The following DAP variants were observed in gnomAD, a reference collection of about 807,000 sequenced individuals.
DAP encodes the protein death-associated protein 1.
DAP carries 8 observed loss-of-function variants against 13.8 expected under a neutral mutation model. The observed-to-expected ratio is 0.58, with a 90% CI of 0.34 to 1.05. DAP has a LOEUF of 1.05. Ranked by LOEUF, DAP falls within the 50% of genes least tolerant of loss-of-function variation. DAP has a pLI of 0.03. For synonymous variants in DAP, 47 were observed against 47.5 expected, an observed-to-expected ratio of 0.99 and a Z score of 0.04; for missense variants, 106 against 133.2, an observed-to-expected ratio of 0.80 and a Z score of 1.01.
At chr5:10,685,517 A>G (rs575921939) in intron 2 of DAP, among the ~76,000 whole-genome samples, 1 of 152,340 alleles carries the variant, frequency 6.6e-6, no homozygotes, top group Admixed American at 6.5e-5. Flanking sequence ...TTTAGAAAAG[A>G]TTTGGAAAGG....
chr5:10,738,848 TC>T (rs1481423169), intron 2 of DAP, among the ~76,000 whole-genome samples: 1 of 152,180 alleles, frequency 6.6e-6, no homozygotes, highest in African/African-American at 2.4e-5. Flanking sequence ...AAAGAGCTCT[TC>T]AGAAGAAAGT....
At chr5:10,708,713 C>T (rs867084778) in intron 2 of DAP, among the ~76,000 whole-genome samples, 5 of 152,166 alleles carry the variant, frequency 3.3e-5, no homozygotes, top group African/African-American at 4.8e-5. Flanking sequence ...AGTCCTTGTG[C>T]GGTTGTGCAG....
At chr5:10,725,681 A>C (rs2126662411) in intron 2 of DAP, among the ~76,000 whole-genome samples, 1 of 152,368 alleles carries the variant, frequency 6.6e-6, no homozygotes, top group East Asian at 1.9e-4. Context: ...CATTTGAAGT[A>C]GGATTTTAGG....
In DAP at chr5:10,679,910, C is replaced by T. The variant is rs2126630079; in HGVS notation, c.*1146G>A. On this transcript the variant is annotated 3_prime_UTR_variant, in exon 4 of 4. Transcript: ENST00000230895. ...AGTCAGGCCCTCCACAAGCACTGTT[C>T]TGGAGTTTCGTCTGACTAGGTGAAC... 1 of 152,528 alleles carries T rather than the reference C, an allele frequency of 6.6e-6. No individual in the cohort carries two copies. Among genetic ancestry groups the T allele is most frequent in the East Asian group, 1.9e-4 (1 of 5,312 alleles). 9.4% of individuals were successfully genotyped at this position (152,528 alleles called of 1,614,324 possible). A position where few individuals can be genotyped will look rare whatever the true frequency, so the allele number is the denominator to read the frequency against.
intron 2 of DAP, among the ~76,000 whole-genome samples, chr5:10,687,905 C>CTTTTTTTTTTTTTTTT (rs1199947263): frequency 9.0e-6 from 1 of 110,666 alleles, no homozygotes; most frequent in African/African-American, 3.8e-5. Context: ...TCATTGTTGT[C>CTTTTTTTTTTTTTTTT]TTTTTTTTTT....
intron 2 of DAP, among the ~76,000 whole-genome samples, chr5:10,723,590 A>T (rs761964384): frequency 3.9e-5 from 6 of 152,290 alleles, no homozygotes; most frequent in Non-Finnish European, 4.4e-5. Flanking sequence ...AAGAAGACCC[A>T]GGCAAGAAAC....
At chr5:10,760,391 G>A (rs1478530003) in intron 1 of DAP, among the ~76,000 whole-genome samples, 1 of 152,066 alleles carries the variant, frequency 6.6e-6, no homozygotes, top group East Asian at 1.9e-4. Flanking sequence ...AGATCCCTAT[G>A]TTCTAAGAAA....
intron 2 of DAP, among the ~76,000 whole-genome samples, chr5:10,730,243 C>T (rs568389458): frequency 4.6e-5 from 7 of 152,314 alleles, no homozygotes; most frequent in Non-Finnish European, 8.8e-5. Flanking sequence ...CTGGCACAGA[C>T]GAGGCACTTA....
intron 2 of DAP, among the ~76,000 whole-genome samples, chr5:10,692,897 G>T (rs1247973935): frequency 6.6e-6 from 1 of 152,308 alleles, no homozygotes; most frequent in South Asian, 2.1e-4. Flanking sequence ...GCTCACCACA[G>T]CTAGTTTTGT....
intron 2 of DAP, among the ~76,000 whole-genome samples, chr5:10,730,314 C>T (rs1273884322): frequency 6.6e-6 from 1 of 152,204 alleles, no homozygotes; most frequent in Non-Finnish European, 1.5e-5. Context: ...GATGTGCGTG[C>T]CAGGGAAAAC....
chr5:10,709,738 C>T (rs1738793011), intron 2 of DAP, among the ~76,000 whole-genome samples: 1 of 152,214 alleles, frequency 6.6e-6, no homozygotes, highest in Non-Finnish European at 1.5e-5. Flanking sequence ...AGGGCTCCCA[C>T]CCTCCACAAG....
At position 10,713,032 on chromosome 5, in the gene DAP, A is replaced by G. The variant is rs531857426; in HGVS notation, c.153-29461T>C. Among the ~76,000 whole-genome samples, 204 of 151,942 alleles carry G rather than the reference A, an allele frequency of 1.3e-3. 1 individual carries two copies. The highest frequency in any genetic ancestry group is 4.6e-3 in the African/African-American group (192 of 41,350). ...AACTAGGCTGAGGGAAAACCAACCA[A>G]CCAGCCGACCAACCAGCCAACCAAC... On this transcript the variant is annotated intron_variant, in intron 2 of 3. Transcript: ENST00000230895.
In DAP at chr5:10,725,294, C is replaced by A. The variant is rs1000352579; in HGVS notation, c.152+22881G>T. ...TTGCAGCGCCTTGAAAGTCTCCAAT[C>A]GCTAGCCTCTGACATGGTTATGCCG... On this transcript the variant is annotated intron_variant, in intron 2 of 3. Transcript: ENST00000230895. Among the ~76,000 whole-genome samples, 3 of 152,216 alleles carry A rather than the reference C, an allele frequency of 2.0e-5. No homozygotes were observed. In the East Asian group the frequency reaches 5.8e-4, roughly 29 times the overall value.
chr5:10,722,986 T>G (rs1739196545), intron 2 of DAP, among the ~76,000 whole-genome samples: 1 of 152,222 alleles, frequency 6.6e-6, no homozygotes, highest in East Asian at 1.9e-4. Flanking sequence ...TTTATGCTTC[T>G]GGCCACTACA....
chr5:10,691,872 T>C (rs1460603140), intron 2 of DAP, among the ~76,000 whole-genome samples: 3 of 152,226 alleles, frequency 2.0e-5, no homozygotes, highest in African/African-American at 7.2e-5. Context: ...TGGGTCTCTA[T>C]TGTCCATCTG....
At chr5:10,730,817 C>T (rs1176818986) in intron 2 of DAP, among the ~76,000 whole-genome samples, 248 of 69,250 alleles carry the variant, frequency 3.6e-3, no homozygotes, top group Middle Eastern at 0.029. Context: ...GGGGGGAATC[C>T]TTCTCTATTG....
intron 2 of DAP, among the ~76,000 whole-genome samples, chr5:10,735,504 A>G (rs1158323639): frequency 1.3e-5 from 2 of 152,240 alleles, no homozygotes; most frequent in Non-Finnish European, 2.9e-5. Flanking sequence ...TCTTTATCAA[A>G]TATCTTACCA....
chr5:10,695,738 G>A (rs761616666), intron 2 of DAP, among the ~76,000 whole-genome samples: 23 of 152,314 alleles, frequency 1.5e-4, no homozygotes, highest in Non-Finnish European at 2.9e-4. Flanking sequence ...TTCTGGGTCT[G>A]GGCCAGGTCT....
Position 10,681,084 on chromosome 5 carries a change from G to C in DAP, c.281C>G (p.Thr94Ser). Reference sequence around the variant, plus strand: ...CTTGCGTGGCTGCTGGATGTGCTGGGTTCTTGGGGAAGGATGCTTGTCCAT... The same window carrying C: ...CTTGCGTGGCTGCTGGATGTGCTGGCTTCTTGGGGAAGGATGCTTGTCCAT... ...ASMDKHPSPR[T>S]QHIQQPRK is the part of the protein sequence containing the mutation. The change falls in exon 4 of 4, where the codon ACC (threonine) becomes AGC (serine). Residue 94 changes from threonine (T) to serine (S), a missense_variant. Transcript: ENST00000230895. 6.3e-7 allele frequency: 1 copy of C among 1,598,988 alleles called. No homozygotes were observed. Among genetic ancestry groups the C allele is most frequent in the Non-Finnish European group, 8.5e-7 (1 of 1,171,810 alleles).
Sources: gnomAD v4.1 joint callset for allele counts (sites outside exome capture counted in the v4.1 genomes callset) on GRCh38, gnomAD v4.1.1 for gene constraint, MANE v1.5 for transcripts, NCBI Gene and HGNC (gene_info 2026-07-23, HGNC 2026-07-21) for gene names.